COLGALT2: variants seen among roughly 807,000 people sequenced by gnomAD.
COLGALT2 encodes procollagen galactosyltransferase 2.
In COLGALT2, 49 loss-of-function variants were observed where a neutral mutation model predicts 73.4. The ratio of observed to expected loss-of-function variants is 0.67; its 90% confidence interval spans 0.53 to 0.85. The LOEUF is 0.85. Among genes scored for constraint, COLGALT2 ranks in the 40% least tolerant of loss-of-function variants. The pLI is 0.00. For missense variants in COLGALT2, 722 were observed against 790.2 expected (o/e 0.91, Z 1.03); for synonymous variants, 295 against 307.6 (o/e 0.96, Z 0.43).
intron 1 of COLGALT2, among the ~76,000 whole-genome samples, chr1:184,008,532 C>T (rs1427266449): frequency 6.6e-6 from 1 of 152,010 alleles, no homozygotes; most frequent in Non-Finnish European, 1.5e-5. Flanking sequence ...AAGTTTGAGA[C>T]CAGCCTGAGC....
At position 183,970,673 on chromosome 1, in the gene COLGALT2, T is replaced by A. The variant is rs575119327; in HGVS notation, c.628-1200A>T. On this transcript the variant is annotated intron_variant, in intron 4 of 11. Coordinates refer to ENST00000361927, the MANE Select transcript of COLGALT2 (RefSeq NM_015101.4). ...GTTTGATCTTAGTCCATGCCTACCC[T>A]CTTTGAGCCTGAGTTTTTTCTCCTG... Among the ~76,000 whole-genome samples the A allele has an allele frequency of 2.6e-5, 4 of 152,306 alleles. 1 individual carries two copies. Among genetic ancestry groups the A allele is most frequent in the African/African-American group, 9.6e-5 (4 of 41,574 alleles).
chr1:183,934,815 C>A (rs767252285), downstream of COLGALT2, among the ~76,000 whole-genome samples: 2 of 152,162 alleles, frequency 1.3e-5, no homozygotes, highest in Non-Finnish European at 2.9e-5. Flanking sequence ...GGGAATATTT[C>A]TTGTTTTGGA....
intron 1 of COLGALT2, among the ~76,000 whole-genome samples, chr1:184,032,521 C>T (rs1649545546): frequency 6.6e-6 from 1 of 152,184 alleles, no homozygotes; most frequent in African/African-American, 2.4e-5. Context: ...TCTAGTCTAT[C>T]TGACCCTAAG....
chr1:183,955,070 T>G (rs1487667360), intron 6 of COLGALT2, among the ~76,000 whole-genome samples: 1 of 152,290 alleles, frequency 6.6e-6, no homozygotes, highest in Non-Finnish European at 1.5e-5. Context: ...CCACTTCCCT[T>G]AAGACTTATT....
In COLGALT2 at chr1:183,969,446, C is replaced by G; in HGVS notation, c.655G>C (p.Val219Leu). ...KGFYKRTPDYVQIREWKRTGC... is the reference protein window; with the variant it reads ...KGFYKRTPDYLQIREWKRTGC... ...GTCCTCTTCCATTCTCGAATCTGAA[C>G]GTAGTCTGGGGTCCTCTTATAGAAG... The change falls in exon 5 of 12, where the codon GTT (valine) becomes CTT (leucine). Residue 219 changes from valine to leucine, a missense_variant. Physicochemically the swap from Val to Leu is conservative, Grantham distance 32 (BLOSUM62 1). Transcript: ENST00000361927. 1 of 1,612,880 alleles carries G rather than the reference C, an allele frequency of 6.2e-7. No homozygotes were observed.
chr1:184,014,325 G>T (rs1167269744), intron 1 of COLGALT2, among the ~76,000 whole-genome samples: 1 of 152,160 alleles, frequency 6.6e-6, no homozygotes, highest in Non-Finnish European at 1.5e-5. Flanking sequence ...CTGAGCGAAG[G>T]CACTGTTATA....
At chr1:184,016,705 T>C (rs987075055) in intron 1 of COLGALT2, among the ~76,000 whole-genome samples, 1 of 152,182 alleles carries the variant, frequency 6.6e-6, no homozygotes, top group Non-Finnish European at 1.5e-5. Context: ...GAATTTTTTA[T>C]ATAAAAATAT....
chr1:183,956,398 C>T (rs1411289744), intron 6 of COLGALT2, among the ~76,000 whole-genome samples: 2 of 152,060 alleles, frequency 1.3e-5, no homozygotes, highest in Non-Finnish European at 2.9e-5. Flanking sequence ...CAATAGCAGC[C>T]GAGAATATTC....
rs140592244 is a variant in COLGALT2 at position 183,937,685 on chromosome 1, C to T, written c.*1076G>A. 15 of 985,456 alleles carry T rather than the reference C, an allele frequency of 1.5e-5. 1 individual carries two copies. The African/African-American group carries it at 2.6e-4, about 17-fold the overall frequency. The allele number at this position is 985,456 out of a possible 1,614,324, so 61.0% of individuals were successfully genotyped here. On this transcript the variant is annotated 3_prime_UTR_variant, in exon 12 of 12. Transcript: ENST00000361927. The stretch of plus-strand genomic sequence containing the variant: ...ACCAATGTGTCCACACCCACCACTC[C>T]CCCGGGTGCCGTGGAAGTCTGCAAC...
At chr1:183,930,569 C>CTTTTCT (rs1669823055) in intron 11 of COLGALT2, among the ~76,000 whole-genome samples, 1 of 114,066 alleles carries the variant, frequency 8.8e-6, no homozygotes, top group African/African-American at 3.4e-5. Flanking sequence ...TTTTCTTTTT[C>CTTTTCT]TTTTTTTTTT....
At chr1:184,013,124 G>A (rs1048997516) in intron 1 of COLGALT2, among the ~76,000 whole-genome samples, 2 of 152,204 alleles carry the variant, frequency 1.3e-5, no homozygotes, top group Non-Finnish European at 2.9e-5. Context: ...AGACCAGCTT[G>A]GCCACCATGG....
intron 8 of COLGALT2, 67 bp from the exon 9 acceptor site, chr1:183,945,631 G>A (rs1331075237): frequency 6.3e-7 from 1 of 1,583,330 alleles, no homozygotes; most frequent in East Asian, 2.2e-5. Flanking sequence ...GCCAGAGAAA[G>A]AGAGAGTTAG....
At position 183,935,998 on chromosome 1, in the gene COLGALT2, C is replaced by CG. The variant is rs3834760; in HGVS notation, c.*2762dup. The stretch of plus-strand genomic sequence containing the variant: ...GCAGCAGGCCTGAATGAACCGCAAG[C>CG]GGGGCCCATGCAGCGTGTCCTCTGC... On this transcript the variant is annotated 3_prime_UTR_variant, in exon 12 of 12. Coordinates refer to ENST00000361927, the MANE Select transcript of COLGALT2 (RefSeq NM_015101.4). The CG allele has an allele frequency of 0.19, 185,348 of 985,346 alleles. 17,962 individuals carry two copies. The highest frequency in any genetic ancestry group is 0.25 in the Admixed American group (4,127 of 16,272). 61.0% of individuals were successfully genotyped at this position (985,346 alleles called of 1,614,324 possible).
chr1:183,948,958 G>T (rs1035667564), intron 8 of COLGALT2, among the ~76,000 whole-genome samples: 3 of 152,008 alleles, frequency 2.0e-5, no homozygotes, highest in Admixed American at 6.5e-5. Flanking sequence ...TCTGAAAATA[G>T]AACTAAGGAA....
chr1:183,985,160 G>A (rs1258492484), intron 1 of COLGALT2, among the ~76,000 whole-genome samples: 3 of 152,222 alleles, frequency 2.0e-5, no homozygotes, highest in African/African-American at 2.4e-5. Flanking sequence ...TCCTACTGAG[G>A]TTGTTAGGGC....
intron 1 of COLGALT2, among the ~76,000 whole-genome samples, chr1:184,027,713 A>G (rs1285973837): frequency 2.0e-5 from 3 of 152,368 alleles, no homozygotes; most frequent in South Asian, 2.1e-4. Context: ...AACATTTTAA[A>G]AATCCATTGT....
chr1:184,037,405 G>A lies in COLGALT2; in HGVS notation c.-48C>T. On this transcript the variant is annotated 5_prime_UTR_variant, in exon 1 of 12. Coordinates refer to ENST00000361927, the MANE Select transcript of COLGALT2 (RefSeq NM_015101.4). Reference sequence around the variant, plus strand: ...GGGGAAGTCCTGGCGCGAGCGCCCGGCTGGGCTGCCTGAGGGCGGCGGCGG... The same window carrying A: ...GGGGAAGTCCTGGCGCGAGCGCCCGACTGGGCTGCCTGAGGGCGGCGGCGG... 3.8e-6 allele frequency: 5 copies of A among 1,310,082 alleles called. No individual in the cohort carries two copies. Among genetic ancestry groups the A allele is most frequent in the Non-Finnish European group, 4.8e-6 (5 of 1,033,222 alleles). The allele number at this position is 1,310,082 out of a possible 1,614,324, so 81.2% of individuals were successfully genotyped here.
At chr1:184,010,707 A>G (rs979234375) in intron 1 of COLGALT2, among the ~76,000 whole-genome samples, 1 of 152,206 alleles carries the variant, frequency 6.6e-6, no homozygotes, top group African/African-American at 2.4e-5. Context: ...TGACAGAGTA[A>G]CTACAGATCC....
At chr1:183,984,667 T>G (rs999683738) in intron 1 of COLGALT2, among the ~76,000 whole-genome samples, 1 of 152,192 alleles carries the variant, frequency 6.6e-6, no homozygotes, top group Non-Finnish European at 1.5e-5. Flanking sequence ...AAGGGAGTGC[T>G]GGTAGAAACA....
Sources: gnomAD v4.1 joint callset for allele counts (sites outside exome capture counted in the v4.1 genomes callset) on GRCh38, gnomAD v4.1.1 for gene constraint, MANE v1.5 for transcripts, NCBI Gene and HGNC (gene_info 2026-07-23, HGNC 2026-07-21) for gene names.